MCF2L2: variants seen among roughly 807,000 people sequenced by gnomAD.
MCF2L2 encodes the protein probable guanine nucleotide exchange factor MCF2L2.
Under a neutral mutation model 150.2 loss-of-function variants are expected in MCF2L2, and 102 were observed. The ratio of observed to expected loss-of-function variants is 0.68; its 90% CI spans 0.58 to 0.80. The LOEUF (loss-of-function observed/expected upper bound fraction) is 0.80. Among genes scored for constraint, MCF2L2 ranks in the 30% least tolerant of loss-of-function variants. The probability of loss-of-function intolerance (pLI) is 0.00; values close to 1 mark genes in which losing one functional copy is unlikely to be tolerated. For synonymous variants in MCF2L2, 465 were observed against 491.3 expected (o/e 0.95, Z 0.71); for missense variants, 1,256 against 1,372.8 (o/e 0.91, Z 1.34).
chr3:183,304,326 T>A (rs1313924990), intron 10 of MCF2L2, among the ~76,000 whole-genome samples: 1 of 152,104 alleles, frequency 6.6e-6, no homozygotes, highest in African/African-American at 2.4e-5. Flanking sequence ...TAGAAACAAG[T>A]GACACAAATC....
intron 3 of MCF2L2, among the ~76,000 whole-genome samples, chr3:183,364,343 C>A (rs941380005): frequency 4.6e-5 from 7 of 151,542 alleles, no homozygotes; most frequent in African/African-American, 1.7e-4. Flanking sequence ...GGTGAAACCC[C>A]GTCGCTACTA....
At chr3:183,187,027 C>T (rs1721718038) in intron 27 of MCF2L2, among the ~76,000 whole-genome samples, 1 of 152,156 alleles carries the variant, frequency 6.6e-6, no homozygotes, top group Non-Finnish European at 1.5e-5. Flanking sequence ...ATAGTTAAAA[C>T]CAATTGGTCA....
At position 183,197,449 on chromosome 3, in the gene MCF2L2, GAAAC is replaced by G. The variant is rs146812700; in HGVS notation, c.2885-2198_2885-2195del. ...TCACACCACATACAAATCAAAAACAGAAACAAACAAACAAACAAACAAATACTCA... is the reference window on the plus strand; with the variant it reads ...TCACACCACATACAAATCAAAAACAGAAACAAACAAACAAACAAATACTCA... On this transcript the variant is annotated intron_variant, in intron 25 of 29. Transcript: ENST00000328913. The surrounding 1 kb of genome is among the most constrained non-coding windows in gnomAD (Gnocchi z 4.5). Among the ~76,000 whole-genome samples, 10,137 of 151,952 alleles carry G rather than the reference GAAAC, an allele frequency of 0.067. 1,129 individuals carry two copies. The highest frequency in any genetic ancestry group is 0.23 in the African/African-American group (9,637 of 41,354).
At chr3:183,427,707 C>T (rs536848338) in intron 1 of MCF2L2, among the ~76,000 whole-genome samples, 195 bp downstream of exon 1, 95 of 152,090 alleles carry the variant, frequency 6.2e-4, no homozygotes, top group Admixed American at 2.7e-3. Flanking sequence ...CCGACCCCCA[C>T]CAGCGGCGCG....
chr3:183,204,689 A>G (rs1722410637), intron 25 of MCF2L2, among the ~76,000 whole-genome samples: 1 of 152,206 alleles, frequency 6.6e-6, no homozygotes, highest in Non-Finnish European at 1.5e-5. Context: ...AGATTCATAC[A>G]AAAATCTGTA....
intron 5 of MCF2L2, among the ~76,000 whole-genome samples, chr3:183,337,386 G>A (rs537155242): frequency 1.3e-4 from 19 of 151,910 alleles, no homozygotes; most frequent in East Asian, 1.2e-3. Flanking sequence ...GTAAAACCCC[G>A]TCTCTACTGA....
chr3:183,230,945 A>C lies in MCF2L2; in HGVS notation c.1929+6T>G. On this transcript the variant is annotated splice_donor_region_variant and intron_variant, in intron 16 of 29. Coordinates refer to ENST00000328913, the MANE Select transcript of MCF2L2 (RefSeq NM_015078.4). ...GCTTGATACCCCACTCCCCAAATCT[A>C]CTTACATCAATTATGCTTTTAATCT... 1 of 1,608,772 alleles carries C rather than the reference A, an allele frequency of 6.2e-7. No homozygotes were observed. The highest frequency in any genetic ancestry group is 8.5e-7 in the Non-Finnish European group (1 of 1,175,244).
chr3:183,326,511 A>C (rs1438300267), intron 5 of MCF2L2, among the ~76,000 whole-genome samples: 42 of 134,848 alleles, frequency 3.1e-4, no homozygotes, highest in Non-Finnish European at 5.4e-4. Context: ...AAAAAAAAAA[A>C]AAAAACAAAA....
chr3:183,355,770 A>G (rs978037565), intron 3 of MCF2L2, among the ~76,000 whole-genome samples: 1 of 151,850 alleles, frequency 6.6e-6, no homozygotes, highest in African/African-American at 2.4e-5. Context: ...CCGGCCATCA[A>G]CAATGCTTTT....
At chr3:183,276,841 G>A (rs774502570) in intron 15 of MCF2L2, 31 bp downstream of exon 15, 39 of 1,534,494 alleles carry the variant, frequency 2.5e-5, no homozygotes, top group Admixed American at 1.6e-4. Context: ...GCACCCCCTC[G>A]CCCCCTGCAC....
chr3:183,318,178 G>C lies in MCF2L2; in HGVS notation c.643C>G (p.Gln215Glu), dbSNP rs747308675. The change falls in exon 7 of 30, where the codon CAG (glutamine) becomes GAG (glutamate). Residue 215 changes from glutamine (Q) to glutamate (E), a missense_variant. Physicochemically the swap from Gln to Glu is conservative, Grantham distance 29. Coordinates refer to ENST00000328913, the MANE Select transcript of MCF2L2 (RefSeq NM_015078.4). ...NFALTLKTTA[Q>E]MLQTFGSCLA... ...CAGGACCCAAACGTCTGCAGCATCTGGGCAGTGGTCTTCAAGGTCAAGGCA... is the reference window on the plus strand; with the variant it reads ...CAGGACCCAAACGTCTGCAGCATCTCGGCAGTGGTCTTCAAGGTCAAGGCA... 6.2e-7 allele frequency: 1 copy of C among 1,614,064 alleles called. No individual in the cohort carries two copies. The highest frequency in any genetic ancestry group is 2.2e-5 in the East Asian group (1 of 44,902).
chr3:183,368,781 T>C (rs1712688388), intron 3 of MCF2L2, among the ~76,000 whole-genome samples: 1 of 152,052 alleles, frequency 6.6e-6, no homozygotes, highest in Non-Finnish European at 1.5e-5. Flanking sequence ...AAGCCTAAAA[T>C]ATTTTTCCTC....
At chr3:183,382,141 C>G (rs1713564954) in intron 2 of MCF2L2, among the ~76,000 whole-genome samples, 1 of 152,040 alleles carries the variant, frequency 6.6e-6, no homozygotes, top group African/African-American at 2.4e-5. Context: ...TCACTGCAAC[C>G]TCCGCCTCCC....
At chr3:183,347,633 G>A (rs569114695) in intron 3 of MCF2L2, among the ~76,000 whole-genome samples, 3 of 152,250 alleles carry the variant, frequency 2.0e-5, no homozygotes, top group African/African-American at 7.2e-5. Flanking sequence ...CAGAATGGTA[G>A]AACATTTTTG....
At chr3:183,392,221 T>C (rs1021397031) in intron 1 of MCF2L2, among the ~76,000 whole-genome samples, 21 of 152,208 alleles carry the variant, frequency 1.4e-4, no homozygotes, top group Non-Finnish European at 2.1e-4. Flanking sequence ...CCCCACGCCA[T>C]CTCATTTTTC....
Position 183,207,664 on chromosome 3 carries a change from T to C in MCF2L2, c.2656A>G (p.Met886Val), listed in dbSNP as rs750671287. 1 of 1,614,242 alleles carries C rather than the reference T, an allele frequency of 6.2e-7. No homozygotes were observed. The change falls in exon 23 of 30, where the codon ATG (methionine) becomes GTG (valine). Residue 886 changes from methionine (M) to valine (V), a missense_variant. By Grantham distance (21) the Met-to-Val change is conservative. Transcript: ENST00000328913. Reference sequence around the variant, plus strand: ...GATAATCCCTGGTCCCCAGGCTCCATTCGTATCTTACAGAACACTATTCCC... The same window carrying C: ...GATAATCCCTGGTCCCCAGGCTCCACTCGTATCTTACAGAACACTATTCCC... Reference protein sequence around the residue: ...ERGIVFCKIRMEPGDQGLSPH... With the variant: ...ERGIVFCKIRVEPGDQGLSPH...
At chr3:183,217,131 T>A (rs1479132553) in intron 21 of MCF2L2, among the ~76,000 whole-genome samples, 1 of 150,334 alleles carries the variant, frequency 6.7e-6, no homozygotes, top group Non-Finnish European at 1.5e-5. Flanking sequence ...CCGTCTCTAC[T>A]AAAAATACAA....
intron 27 of MCF2L2, among the ~76,000 whole-genome samples, chr3:183,191,365 C>T (rs1225870896): frequency 6.6e-6 from 1 of 152,196 alleles, no homozygotes; most frequent in Non-Finnish European, 1.5e-5. Flanking sequence ...GTCTGTAGCT[C>T]ACATCATGGT....
In MCF2L2 at chr3:183,295,252, C is replaced by T. The variant is rs755164243; in HGVS notation, c.1675+48G>A. Reference sequence around the variant, plus strand: ...ACAACCAGTCACAGTCCTCATGGTGCTGATGAAACACAAAAGCCACAAAGC... The same window carrying T: ...ACAACCAGTCACAGTCCTCATGGTGTTGATGAAACACAAAAGCCACAAAGC... On this transcript the variant is annotated intron_variant, in intron 13 of 29. Coordinates refer to ENST00000328913, the MANE Select transcript of MCF2L2 (RefSeq NM_015078.4). 9.0e-6 allele frequency: 14 copies of T among 1,548,558 alleles called. No homozygotes were observed. The South Asian group carries it at 1.5e-4, about 16-fold the overall frequency.
Sources: gnomAD v4.1 joint callset for allele counts (sites outside exome capture counted in the v4.1 genomes callset) on GRCh38, gnomAD v4.1.1 for gene constraint, Gnocchi (gnomAD v3.1) non-coding constraint, MANE v1.5 for transcripts, NCBI Gene and HGNC (gene_info 2026-07-23, HGNC 2026-07-21) for gene names.